STIM2: variants seen among roughly 807,000 people sequenced by gnomAD.
The protein encoded by STIM2 is stromal interaction molecule 2.
STIM2 carries 31 observed loss-of-function variants against 85.8 expected under a neutral mutation model. The observed-to-expected ratio is 0.36, with a 90% confidence interval of 0.27 to 0.49. The LOEUF is 0.49. Ranked by LOEUF, STIM2 falls within the 20% of genes least tolerant of loss-of-function variation. The probability of loss-of-function intolerance (pLI) is 0.98; values close to 1 mark genes in which losing one functional copy is unlikely to be tolerated. For synonymous variants in STIM2, 356 were observed against 331.1 expected, an observed-to-expected ratio of 1.08 and a Z score of -0.82; for missense variants, 841 against 927.6, an observed-to-expected ratio of 0.91 and a Z score of 1.21.
chr4:26,922,091 T>C (rs1304050901), intron 2 of STIM2, among the ~76,000 whole-genome samples: 1 of 152,194 alleles, frequency 6.6e-6, no homozygotes, highest in African/African-American at 2.4e-5. Context: ...TGATGGATTA[T>C]TAAGAGTTTT....
At chr4:26,979,955 G>C (rs1017439565) in intron 3 of STIM2, among the ~76,000 whole-genome samples, 1 of 151,960 alleles carries the variant, frequency 6.6e-6, no homozygotes, top group African/African-American at 2.4e-5. Flanking sequence ...TAGAGATGGG[G>C]GTCTCACTGT....
intron 1 of STIM2, among the ~76,000 whole-genome samples, chr4:26,869,783 C>G (rs950624483): frequency 6.6e-6 from 1 of 150,670 alleles, no homozygotes; most frequent in Non-Finnish European, 1.5e-5. Context: ...TCTTAAAAGG[C>G]CACTGCTGTG....
At chr4:26,971,129 G>A (rs1377912608) in intron 3 of STIM2, among the ~76,000 whole-genome samples, 1 of 152,130 alleles carries the variant, frequency 6.6e-6, no homozygotes, top group African/African-American at 2.4e-5. Context: ...GTTCTTTGTA[G>A]ATTCTGGATA....
intron 3 of STIM2, among the ~76,000 whole-genome samples, chr4:26,985,369 A>C (rs1441984423): frequency 6.6e-6 from 1 of 152,020 alleles, no homozygotes; most frequent in East Asian, 1.9e-4. Flanking sequence ...GTAAAGAGAA[A>C]CTGAGATTTT....
chr4:26,862,219 G>A (rs66460756), intron 1 of STIM2, among the ~76,000 whole-genome samples: 37,239 of 151,854 alleles, frequency 0.25, 5,994 homozygotes, highest in Middle Eastern at 0.38. Context: ...AAAGCCTTCC[G>A]GTGTTATGTA....
intron 11 of STIM2, chr4:27,021,580 CTGAGTA>C (rs1473427661): frequency 2.2e-6 from 1 of 456,642 alleles, no homozygotes; most frequent in Non-Finnish European, 4.4e-6. Flanking sequence ...GGATCTTACT[CTGAGTA>C]TGAGAGAAAG....
chr4:26,981,194 C>A (rs1727375788), intron 3 of STIM2, among the ~76,000 whole-genome samples: 1 of 152,206 alleles, frequency 6.6e-6, no homozygotes, highest in African/African-American at 2.4e-5. Flanking sequence ...CTGTCCCTAA[C>A]TTTCCCTATT....
intron 3 of STIM2, among the ~76,000 whole-genome samples, chr4:26,969,332 C>G (rs922257163): frequency 6.6e-6 from 1 of 152,102 alleles, no homozygotes; most frequent in African/African-American, 2.4e-5. Context: ...CCAAGAGATT[C>G]CTTAACTTTT....
At chr4:26,982,124 C>T (rs1183502446) in intron 3 of STIM2, among the ~76,000 whole-genome samples, 1 of 152,104 alleles carries the variant, frequency 6.6e-6, no homozygotes, top group African/African-American at 2.4e-5. Context: ...ATCATTCCTT[C>T]TACTTACTAG....
At chr4:26,920,811 GT>G (rs1466839473) in intron 2 of STIM2, among the ~76,000 whole-genome samples, 1 of 152,036 alleles carries the variant, frequency 6.6e-6, no homozygotes, top group Non-Finnish European at 1.5e-5. Flanking sequence ...TTTAAATTTA[GT>G]ATGTGTAAAA....
At chr4:26,982,538 A>G (rs1035042602) in intron 3 of STIM2, among the ~76,000 whole-genome samples, 2 of 152,006 alleles carry the variant, frequency 1.3e-5, no homozygotes, top group African/African-American at 4.8e-5. Context: ...ATCCTTCTAT[A>G]TCCATCATTT....
chr4:26,948,843 T>C (rs1725942203), intron 2 of STIM2, among the ~76,000 whole-genome samples: 1 of 152,090 alleles, frequency 6.6e-6, no homozygotes, highest in East Asian at 1.9e-4. Context: ...CTTGGGATTA[T>C]TGGGTAACAA....
chr4:26,936,917 G>A (rs1488665993), intron 2 of STIM2, among the ~76,000 whole-genome samples: 1 of 152,106 alleles, frequency 6.6e-6, no homozygotes, highest in Non-Finnish European at 1.5e-5. Context: ...AGCCTTCCAA[G>A]TAGCTGGGAT....
intron 1 of STIM2, among the ~76,000 whole-genome samples, chr4:26,906,598 G>A (rs1322737060): frequency 1.3e-5 from 2 of 152,000 alleles, no homozygotes; most frequent in Non-Finnish European, 2.9e-5. Context: ...TAGTAAATTT[G>A]AGGGCTAATG....
chr4:26,917,453 A>G lies in STIM2; in HGVS notation c.152-2051A>G, dbSNP rs1277784891. ...TGGATTGAATGGAGTGCAGAGAAGGAAGTGATCACTAGGAAATAGTGTTTA... is the reference window on the plus strand; with the variant it reads ...TGGATTGAATGGAGTGCAGAGAAGGGAGTGATCACTAGGAAATAGTGTTTA... On this transcript the variant is annotated intron_variant, in intron 1 of 11. Coordinates refer to ENST00000467087, the MANE Select transcript of STIM2 (RefSeq NM_020860.4). Among the ~76,000 whole-genome samples, 3 of 152,158 alleles carry G rather than the reference A, an allele frequency of 2.0e-5. No individual in the cohort carries two copies. The East Asian group carries it at 5.8e-4, about 29-fold the overall frequency.
In STIM2 at chr4:27,023,964, G is replaced by A. The variant is rs887295502; in HGVS notation, c.*968G>A. 1.3e-5 allele frequency: 2 copies of A among 152,634 alleles called. No individual in the cohort carries two copies. The highest frequency in any genetic ancestry group is 2.9e-5 in the Non-Finnish European group (2 of 68,038). The allele number at this position is 152,634 out of a possible 1,614,324, so 9.5% of individuals were successfully genotyped here. A position where few individuals can be genotyped will look rare whatever the true frequency, so the allele number is the denominator to read the frequency against. On this transcript the variant is annotated 3_prime_UTR_variant, in exon 12 of 12. Coordinates refer to ENST00000467087, the MANE Select transcript of STIM2 (RefSeq NM_020860.4). ...AAGATAATAAATTGAAGACATTATT[G>A]TGTGGGATTGTGCTGATTTTTGTTG...
intron 3 of STIM2, among the ~76,000 whole-genome samples, chr4:26,991,630 C>T (rs751138047): frequency 5.3e-5 from 8 of 152,156 alleles, no homozygotes; most frequent in Non-Finnish European, 1.2e-4. Context: ...ATCTCAGTTA[C>T]CCTGATTTGA....
chr4:27,023,229 G>GA lies in STIM2; in HGVS notation c.*234dup. 1 of 507,064 alleles carries GA rather than the reference G, an allele frequency of 2.0e-6. No individual in the cohort carries two copies. Among genetic ancestry groups the GA allele is most frequent in the Non-Finnish European group, 3.5e-6 (1 of 283,388 alleles). 31.4% of individuals were successfully genotyped at this position (507,064 alleles called of 1,614,324 possible). A position where few individuals can be genotyped will look rare whatever the true frequency, so the allele number is the denominator to read the frequency against. Reference sequence around the variant, plus strand: ...GTTATTACTGAAAAATCATTGAAATGAGACAGTTTACAGTCATTTCTGCCT... The same window carrying GA: ...GTTATTACTGAAAAATCATTGAAATGAAGACAGTTTACAGTCATTTCTGCCT... On this transcript the variant is annotated 3_prime_UTR_variant, in exon 12 of 12. Transcript: ENST00000467087.
At chr4:26,901,415 G>A (rs1723916135) in intron 1 of STIM2, among the ~76,000 whole-genome samples, 1 of 152,086 alleles carries the variant, frequency 6.6e-6, no homozygotes, top group Admixed American at 6.6e-5. Context: ...AAGCTGAAGG[G>A]AAGATTTAAT....
Sources: allele counts gnomAD v4.1 joint callset (sites outside exome capture counted in the v4.1 genomes callset), GRCh38; gene constraint gnomAD v4.1.1; transcripts MANE v1.5; gene names NCBI Gene and HGNC (gene_info 2026-07-23, HGNC 2026-07-21).